The following TRAPPC3L variants were observed in gnomAD, a reference collection of about 807,000 sequenced individuals.
The protein encoded by TRAPPC3L is trafficking protein particle complex subunit 3-like protein.
A neutral mutation model predicts 23.7 loss-of-function variants in TRAPPC3L; 23 were observed. The ratio of observed to expected loss-of-function variants is 0.97; its 90% CI spans 0.70 to 1.37. The LOEUF is 1.37. TRAPPC3L is among the 40% of genes most tolerant of loss of function. TRAPPC3L has a pLI of 0.00. For missense variants in TRAPPC3L, 212 were observed against 216.8 expected (o/e 0.98, Z 0.14); for synonymous variants, 81 against 77.9 (o/e 1.04, Z -0.21).
chr6:116,528,510 T>A (rs1772518779), intron 3 of TRAPPC3L, among the ~76,000 whole-genome samples: 1 of 152,256 alleles, frequency 6.6e-6, no homozygotes, highest in Non-Finnish European at 1.5e-5. Context: ...TAATAATCTA[T>A]CTGCCATATT....
chr6:116,498,314 T>C (rs1409723157), intron 4 of TRAPPC3L, among the ~76,000 whole-genome samples: 2 of 152,188 alleles, frequency 1.3e-5, no homozygotes, highest in African/African-American at 4.8e-5. Flanking sequence ...CACCTCTTCC[T>C]TGATCTCATG....
At chr6:116,524,655 T>C (rs1772411873) in intron 3 of TRAPPC3L, 2 of 152,206 alleles carry the variant, frequency 1.3e-5, no homozygotes, top group South Asian at 4.1e-4. Flanking sequence ...GGTTTCTTTA[T>C]CTTTCATGTC....
At chr6:116,536,423 AAG>A (rs1463895466) in intron 3 of TRAPPC3L, among the ~76,000 whole-genome samples, 1 of 152,220 alleles carries the variant, frequency 6.6e-6, no homozygotes, top group African/African-American at 2.4e-5. Flanking sequence ...TGAGGGAAAC[AAG>A]AGAGGGGAAT....
chr6:116,511,014 G>A (rs919116380), intron 3 of TRAPPC3L, among the ~76,000 whole-genome samples: 2 of 151,284 alleles, frequency 1.3e-5, no homozygotes, highest in Non-Finnish European at 2.9e-5. Flanking sequence ...CTCAGAAAGA[G>A]GGAGAGTGGG....
chr6:116,501,526 T>A (rs1473138577), intron 3 of TRAPPC3L, among the ~76,000 whole-genome samples: 1 of 152,208 alleles, frequency 6.6e-6, no homozygotes, highest in Non-Finnish European at 1.5e-5. Context: ...TCTTCCAGCA[T>A]GGTGTTTGAG....
At chr6:116,501,024 G>A (rs1307498929) in intron 3 of TRAPPC3L, among the ~76,000 whole-genome samples, 1 of 152,212 alleles carries the variant, frequency 6.6e-6, no homozygotes. Context: ...GTGAGCCGAA[G>A]CAGGGCAGGG....
rs750764949 is a variant in TRAPPC3L at position 116,500,577 on chromosome 6, A to G, written c.330T>C (p.Asn110=). The G allele has an allele frequency of 1.6e-5, 25 of 1,551,554 alleles. No individual in the cohort carries two copies. Among genetic ancestry groups the G allele is most frequent in the Middle Eastern group, 1.7e-4 (1 of 6,012 alleles). ...GCTCTTCCACAAACTCCACCAGGGG[A>G]TTCTTCTCTAGAATCAGGGAAAATT... ...KNEFSLILEK[N]PLVEFVEELP... is the part of the protein sequence containing the mutation. The change falls in exon 4 of 5, where the codon AAT becomes AAC. Residue 110 remains asparagine (N), a synonymous_variant. Coordinates refer to ENST00000368602, the MANE Select transcript of TRAPPC3L (RefSeq NM_001139444.3).
rs1052235157 is a variant in TRAPPC3L, at chr6:116,495,322, C to A, written c.*1632G>T. 1 of 151,890 alleles carries A rather than the reference C, an allele frequency of 6.6e-6. No homozygotes were observed. The highest frequency in any genetic ancestry group is 1.5e-5 in the Non-Finnish European group (1 of 67,986). The allele number at this position is 151,890 out of a possible 1,614,324, so 9.4% of individuals were successfully genotyped here. On this transcript the variant is annotated 3_prime_UTR_variant, in exon 5 of 5. Coordinates refer to ENST00000368602, the MANE Select transcript of TRAPPC3L (RefSeq NM_001139444.3). ...GAACATAATGACCTCTAGTTCCATCCATGTTTTGCAAATGACAGGATCTCA... is the reference window on the plus strand; with the variant it reads ...GAACATAATGACCTCTAGTTCCATCAATGTTTTGCAAATGACAGGATCTCA...
At chr6:116,515,493 A>AT (rs1772203773) in intron 3 of TRAPPC3L, 2 of 1,129,220 alleles carry the variant, frequency 1.8e-6, no homozygotes, top group Non-Finnish European at 2.5e-6. Flanking sequence ...CAAATGAGGT[A>AT]TGTCAAAGAC....
chr6:116,512,576 G>T (rs1366497369), intron 3 of TRAPPC3L, among the ~76,000 whole-genome samples: 2 of 152,178 alleles, frequency 1.3e-5, no homozygotes, highest in Non-Finnish European at 2.9e-5. Context: ...TGGCAGAGCT[G>T]TAATTAGAAA....
rs1211722620 is a variant in TRAPPC3L at position 116,540,441 on chromosome 6, C to T, written c.162G>A (p.Arg54=). The part of the protein sequence containing the change: ...LDKMGYGIGT[R]LVEDFLARSC... The stretch of plus-strand genomic sequence containing the variant: ...ATCGAGCCAAAAAGTCTTCCACAAG[C>T]CGCGTTCCAATGCCGTAACCCCTGT... Residue 54 remains arginine, a synonymous_variant, in exon 3 of 5, where the codon CGG becomes CGA. Transcript: ENST00000368602. 1 of 1,551,338 alleles carries T rather than the reference C, an allele frequency of 6.4e-7. No homozygotes were observed. Among genetic ancestry groups the T allele is most frequent in the Non-Finnish European group, 8.7e-7 (1 of 1,146,752 alleles).
chr6:116,511,649 C>T (rs749066082), intron 3 of TRAPPC3L: 6 of 1,566,818 alleles, frequency 3.8e-6, no homozygotes, highest in South Asian at 2.4e-5. Flanking sequence ...GCCACAGCTG[C>T]TCTGCCAATA....
intron 3 of TRAPPC3L, among the ~76,000 whole-genome samples, chr6:116,508,620 A>G (rs932491776): frequency 1.4e-4 from 21 of 152,164 alleles, no homozygotes; most frequent in African/African-American, 5.1e-4. Context: ...TCTCATTTTG[A>G]CTTTCCTTCA....
intron 3 of TRAPPC3L, among the ~76,000 whole-genome samples, chr6:116,508,241 C>T (rs1772040010): frequency 6.6e-6 from 1 of 152,146 alleles, no homozygotes; most frequent in African/African-American, 2.4e-5. Context: ...AGTGGGAGTT[C>T]AATAGCCATT....
At chr6:116,508,120 A>AT (rs1430095082) in intron 3 of TRAPPC3L, among the ~76,000 whole-genome samples, 6 of 152,182 alleles carry the variant, frequency 3.9e-5, no homozygotes, top group African/African-American at 1.2e-4. Flanking sequence ...AATGGAAGCA[A>AT]TTTTCTTAAA....
rs370753605 is a variant in TRAPPC3L, at chr6:116,543,381, A to G, written c.62T>C (p.Leu21Pro). ...YHKINKDLFV[L>P]TYGALVAQLC... is the part of the protein sequence containing the mutation. Reference sequence around the variant, plus strand: ...CTGGGCAACCAGAGCTCCATAGGTAAGGACAAAGAGATCTTTATTCTGGAG... The same window carrying G: ...CTGGGCAACCAGAGCTCCATAGGTAGGGACAAAGAGATCTTTATTCTGGAG... The change falls in exon 2 of 5, where the codon CTT becomes CCT. Residue 21 changes from leucine (L) to proline (P), a missense_variant. Coordinates refer to ENST00000368602, the MANE Select transcript of TRAPPC3L (RefSeq NM_001139444.3). 7.2e-5 allele frequency: 112 copies of G among 1,549,514 alleles called. No homozygotes were observed. In the African/African-American group the frequency reaches 1.5e-3, roughly 21 times the overall value.
chr6:116,529,154 C>T (rs1400874733), intron 3 of TRAPPC3L: 1 of 152,228 alleles, frequency 6.6e-6, no homozygotes, highest in Non-Finnish European at 1.5e-5. Flanking sequence ...CTGAGCCTTT[C>T]ACTTGGCTTT....
At position 116,507,304 on chromosome 6, in the gene TRAPPC3L, A is replaced by G. The variant is rs78767676; in HGVS notation, c.241-6638T>C. The stretch of plus-strand genomic sequence containing the variant: ...GGTGACAGTCAAAGCAGAGGATGCT[A>G]GGGGCAGATTAGACCCAAGAATACA... On this transcript the variant is annotated intron_variant, in intron 3 of 4. Coordinates refer to ENST00000368602, the MANE Select transcript of TRAPPC3L (RefSeq NM_001139444.3). 6.2e-3 allele frequency among the ~76,000 whole-genome samples: 945 copies of G among 152,310 alleles called. 5 individuals are homozygous for G. The highest frequency in any genetic ancestry group is 0.022 in the African/African-American group (904 of 41,560).
chr6:116,530,993 G>A (rs1772683327), intron 3 of TRAPPC3L, among the ~76,000 whole-genome samples: 1 of 142,760 alleles, frequency 7.0e-6, no homozygotes, highest in Admixed American at 7.2e-5. Context: ...CAATTACTTT[G>A]CCCTGTTTTG....
Sources: allele counts gnomAD v4.1 joint callset (sites outside exome capture counted in the v4.1 genomes callset), GRCh38; gene constraint gnomAD v4.1.1; transcripts MANE v1.5; gene names NCBI Gene and HGNC (gene_info 2026-07-23, HGNC 2026-07-21).